CLN6: variants seen among roughly 807,000 people sequenced by gnomAD.
CLN6 encodes the protein CLN6 transmembrane ER protein, also known as ceroid-lipofuscinosis neuronal protein 6.
Under a neutral mutation model 33.3 loss-of-function variants are expected in CLN6, and 22 were observed. The ratio of observed to expected loss-of-function variants is 0.66; its 90% CI spans 0.47 to 0.94. CLN6 has a LOEUF of 0.94. Ranked by LOEUF, CLN6 falls within the 40% of genes least tolerant of loss-of-function variation. CLN6 has a pLI of 0.00. For missense variants in CLN6, 387 were observed against 417.1 expected, an observed-to-expected ratio of 0.93 and a Z score of 0.63; for synonymous variants, 201 against 174.6, an observed-to-expected ratio of 1.15 and a Z score of -1.19.
In CLN6 at chr15:68,247,457, A is replaced by G. The variant is rs1332051343; in HGVS notation, c.179+9233T>C. 2.0e-5 allele frequency among the ~76,000 whole-genome samples: 3 copies of G among 152,156 alleles called. No individual in the cohort carries two copies. The highest frequency in any genetic ancestry group is 7.2e-5 in the African/African-American group (3 of 41,406). ...ACAACAACAACAACAAAACCTAGGA[A>G]TAAATTTAACCGAAGAGGAGAAAGA... On this transcript the variant is annotated intron_variant, in intron 1 of 6. Transcript: ENST00000538696. The surrounding 1 kb of genome is among the most constrained non-coding windows in gnomAD (Gnocchi z 4.2).
At chr15:68,243,618 G>A (rs551798668) in intron 1 of CLN6, among the ~76,000 whole-genome samples, 1 of 152,186 alleles carries the variant, frequency 6.6e-6, no homozygotes, top group Admixed American at 6.5e-5. Flanking sequence ...AGCCAGGCAT[G>A]GTGGCATGCA....
chr15:68,223,468 G>A (rs916509393), intron 1 of CLN6, among the ~76,000 whole-genome samples: 1 of 152,200 alleles, frequency 6.6e-6, no homozygotes, highest in Non-Finnish European at 1.5e-5. Context: ...TCAAAAAGCA[G>A]AGAGTGATAA....
At chr15:68,254,250 G>A (rs1892409851) in intron 1 of CLN6, among the ~76,000 whole-genome samples, 1 of 152,150 alleles carries the variant, frequency 6.6e-6, no homozygotes, top group Admixed American at 6.5e-5. Flanking sequence ...TCTCTGGTGA[G>A]GAGAGAGAGC....
At position 68,208,363 on chromosome 15, in the gene CLN6, A is replaced by G. The variant is rs982013709; in HGVS notation, c.713T>C (p.Phe238Ser). The G allele has an allele frequency of 3.1e-6, 5 of 1,613,898 alleles. No homozygotes were observed. Among genetic ancestry groups the G allele is most frequent in the Non-Finnish European group, 4.2e-6 (5 of 1,180,030 alleles). Residue 238 changes from phenylalanine to serine, a missense_variant, in exon 7 of 7, where the codon TTC becomes TCC. Transcript: ENST00000249806. The surrounding 1 kb of genome is among the most constrained non-coding windows in gnomAD (Gnocchi z 5.8). The part of the protein sequence containing the change: ...GQIFILFIFT[F>S]FAMLALVLHQ... ...CAGGACGAGGGCCAGCATGGCGAAG[A>G]AGGTGAAGATGAAGAGGATGAAGAT... is the stretch of plus-strand genomic sequence containing the variant.
intron 1 of CLN6, among the ~76,000 whole-genome samples, chr15:68,244,231 C>T (rs1892307399): frequency 6.6e-6 from 1 of 151,990 alleles, no homozygotes; most frequent in Admixed American, 6.6e-5. Flanking sequence ...GCAGTTTTCG[C>T]CCAGGTAAGA....
intron 1 of CLN6, among the ~76,000 whole-genome samples, chr15:68,245,981 T>C (rs1393744014): frequency 2.0e-5 from 3 of 152,144 alleles, no homozygotes; most frequent in Non-Finnish European, 4.4e-5. Context: ...AAGATCAATA[T>C]ATAATGATAA....
rs34086056 is a variant in CLN6, at chr15:68,255,307, ACCCC to A, written c.179+1379_179+1382del. Among the ~76,000 whole-genome samples, 187 of 151,874 alleles carry A rather than the reference ACCCC, an allele frequency of 1.2e-3. 1 individual carries two copies. Among genetic ancestry groups the A allele is most frequent in the Non-Finnish European group, 3.1e-4 (21 of 67,992 alleles). On this transcript the variant is annotated intron_variant, in intron 1 of 6. Transcript: ENST00000538696. Reference sequence around the variant, plus strand: ...TAAACCCAGACACCTGTTGGACCTGACCCCCCCCAATAATTGGTTACTGGTGTGT... The same window carrying A: ...TAAACCCAGACACCTGTTGGACCTGACCCCAATAATTGGTTACTGGTGTGT...
chr15:68,216,029 A>G (rs2093219662), intron 2 of CLN6, among the ~76,000 whole-genome samples: 1 of 152,232 alleles, frequency 6.6e-6, no homozygotes, highest in Admixed American at 6.5e-5. Context: ...CATACATTTG[A>G]AAATCTCTAG....
chr15:68,208,486 A>G lies in CLN6; in HGVS notation c.666-76T>C. 6.4e-7 allele frequency: 1 copy of G among 1,558,584 alleles called. No homozygotes were observed. Among genetic ancestry groups the G allele is most frequent in the Non-Finnish European group, 8.8e-7 (1 of 1,140,802 alleles). On this transcript the variant is annotated intron_variant, in intron 6 of 6. Transcript: ENST00000249806. The surrounding 1 kb of genome is among the most constrained non-coding windows in gnomAD (Gnocchi z 5.8). ...CCTGGCATCCCTTCCTGTGTGCGAG[A>G]GCCAGGCTGCCCTCCAGGCAGGCAG...
rs1230691553 is a variant in CLN6, at chr15:68,211,874, G to C, written c.298-11C>G. 2 of 1,612,848 alleles carry C rather than the reference G, an allele frequency of 1.2e-6. No individual in the cohort carries two copies. The highest frequency in any genetic ancestry group is 8.5e-7 in the Non-Finnish European group (1 of 1,179,814). On this transcript the variant is annotated splice_polypyrimidine_tract_variant and intron_variant, in intron 3 of 6. Coordinates refer to ENST00000249806, the MANE Select transcript of CLN6 (RefSeq NM_017882.3). The surrounding 1 kb of genome is among the most constrained non-coding windows in gnomAD (Gnocchi z 5.9). ...GGACCGCTCGATGAGCTGGGGTTCA[G>C]AGTGGGGTTGGCAGCATGACCCCAC... is the stretch of plus-strand genomic sequence containing the variant.
rs373776911 is a variant in CLN6, at chr15:68,229,543, G to T, written c.42C>A (p.Gly14=). 685 of 1,468,106 alleles carry T rather than the reference G, an allele frequency of 4.7e-4. 9 individuals carry two copies. The East Asian group carries it at 0.018, about 39-fold the overall frequency. The allele number at this position is 1,468,106 out of a possible 1,614,324, so 90.9% of individuals were successfully genotyped here. Residue 14 remains glycine (G), a synonymous_variant, in exon 1 of 7, where the codon GGC becomes GGA. Transcript: ENST00000249806. ...TRRRQHLGAT[G]GPGAQLGASF... is the part of the protein sequence containing the mutation. ...AGGCGCCCAGCTGCGCGCCTGGGCCGCCCGTCGCTCCCAGGTGCTGCCGCC... is the reference window on the plus strand; with the variant it reads ...AGGCGCCCAGCTGCGCGCCTGGGCCTCCCGTCGCTCCCAGGTGCTGCCGCC...
chr15:68,233,308 T>TGG (rs372532867), upstream of CLN6, among the ~76,000 whole-genome samples: 1 of 32,650 alleles, frequency 3.1e-5, no homozygotes, highest in African/African-American at 5.3e-5. The surrounding 1 kb of genome is among the most constrained non-coding windows in gnomAD (Gnocchi z 4.3). Flanking sequence ...TACGGGGGGG[T>TGG]GGGGGGGGTG....
Position 68,229,701 on chromosome 15 carries a change from G to A in CLN6, c.-117C>T. Reference sequence around the variant, plus strand: ...GCGGGGCGGTTCGGGGCGGGCCGGCGAGAGCGCGCGGCCCTCGGGAGGAAC... The same window carrying A: ...GCGGGGCGGTTCGGGGCGGGCCGGCAAGAGCGCGCGGCCCTCGGGAGGAAC... On this transcript the variant is annotated 5_prime_UTR_variant, in exon 1 of 7. Transcript: ENST00000249806. 4.0e-6 allele frequency: 3 copies of A among 757,754 alleles called. No homozygotes were observed. Among genetic ancestry groups the A allele is most frequent in the Non-Finnish European group, 3.7e-6 (2 of 544,040 alleles). 46.9% of individuals were successfully genotyped at this position (757,754 alleles called of 1,614,324 possible).
intron 1 of CLN6, among the ~76,000 whole-genome samples, chr15:68,239,835 A>G (rs1052592709): frequency 3.3e-5 from 5 of 152,204 alleles, no homozygotes; most frequent in African/African-American, 1.2e-4. Context: ...AATTGACCAT[A>G]TAAAAGGCCA....
intron 1 of CLN6, among the ~76,000 whole-genome samples, chr15:68,252,609 C>G (rs190071790): frequency 3.9e-5 from 6 of 152,316 alleles, no homozygotes; most frequent in Non-Finnish European, 7.4e-5. Context: ...CAGGGAAGTT[C>G]TTGCACAAGC....
rs866817985 is a variant in CLN6 at position 68,208,763 on chromosome 15, G to T, written c.666-353C>A. ...TGCCATTACGACGGCAGCCACCCCC[G>T]CGGCAGGATGCCGGGGTAAGAACCA... is the stretch of plus-strand genomic sequence containing the variant. On this transcript the variant is annotated intron_variant, in intron 6 of 6. Transcript: ENST00000249806. This position sits in a 1 kb window ranked among gnomAD's most constrained non-coding sequence, Gnocchi z 5.8. Among the ~76,000 whole-genome samples the T allele has an allele frequency of 6.6e-6, 1 of 152,220 alleles. No individual in the cohort carries two copies. The highest frequency in any genetic ancestry group is 2.1e-4 in the South Asian group (1 of 4,832).
chr15:68,225,620 C>T (rs1446400105), intron 1 of CLN6, among the ~76,000 whole-genome samples: 1 of 152,178 alleles, frequency 6.6e-6, no homozygotes, highest in Non-Finnish European at 1.5e-5. Context: ...GTAGCTGGGA[C>T]CACAGAAAGG....
At chr15:68,245,032 CAAA>C (rs34008952) in intron 1 of CLN6, among the ~76,000 whole-genome samples, 4 of 101,154 alleles carry the variant, frequency 4.0e-5, no homozygotes, top group Non-Finnish European at 5.6e-5. Flanking sequence ...AAGACTCTGA[CAAA>C]AAAAAAAAAA....
chr15:68,222,218 G>A (rs111347539), intron 1 of CLN6, among the ~76,000 whole-genome samples: 66,364 of 137,564 alleles, frequency 0.48, 16,593 homozygotes, highest in Non-Finnish European at 0.55. Context: ...CAGCCGCCCC[G>A]TCTGGGAGGT....
Sources: allele counts gnomAD v4.1 joint callset (sites outside exome capture counted in the v4.1 genomes callset), GRCh38; gene constraint gnomAD v4.1.1; non-coding constraint Gnocchi (gnomAD v3.1); transcripts MANE v1.5; gene names NCBI Gene and HGNC (gene_info 2026-07-23, HGNC 2026-07-21).